RBFOX1: variants seen among roughly 807,000 people sequenced by gnomAD.
RBFOX1 encodes RNA binding protein fox-1 homolog 1.
Under a neutral mutation model 57.7 loss-of-function variants are expected in RBFOX1, and 8 were observed. The ratio of observed to expected loss-of-function variants is 0.14; its 90% confidence interval spans 0.08 to 0.25. The LOEUF (loss-of-function observed/expected upper bound fraction) is 0.25, where lower values mean the gene tolerates loss of function less well. Among genes scored for constraint, RBFOX1 ranks in the 10% least tolerant of loss-of-function variants. The pLI, the probability that RBFOX1 is intolerant of heterozygous loss-of-function variation, is 1.00. For synonymous variants in RBFOX1, 326 were observed against 222.4 expected, an observed-to-expected ratio of 1.47 and a Z score of -4.15; for missense variants, 611 against 548.5, an observed-to-expected ratio of 1.11 and a Z score of -1.14.
chr16:5,310,378 G>T (rs994168929), intron 1 of RBFOX1, among the ~76,000 whole-genome samples: 1 of 151,934 alleles, frequency 6.6e-6, no homozygotes, highest in African/African-American at 2.4e-5. Context: ...TCCACCCTGG[G>T]TGACAGAGCC....
At chr16:7,354,085 C>A (rs563476608) in intron 4 of RBFOX1, among the ~76,000 whole-genome samples, 1 of 152,248 alleles carries the variant, frequency 6.6e-6, no homozygotes, top group Admixed American at 6.5e-5. Flanking sequence ...GATTCTCCTG[C>A]CTCAGCCTCC....
intron 4 of RBFOX1, among the ~76,000 whole-genome samples, chr16:7,473,056 T>C (rs1028378107): frequency 6.6e-6 from 1 of 152,086 alleles, no homozygotes; most frequent in African/African-American, 2.4e-5. Flanking sequence ...TGTCCAAGGG[T>C]TGATACAAAC....
chr16:6,850,703 C>A (rs1021699262), intron 3 of RBFOX1, among the ~76,000 whole-genome samples: 7 of 152,216 alleles, frequency 4.6e-5, no homozygotes, highest in East Asian at 3.9e-4. Context: ...GAAAAAAAAT[C>A]AATTTGTTGG....
intron 1 of RBFOX1, among the ~76,000 whole-genome samples, chr16:5,353,146 G>A (rs1433596519): frequency 6.6e-6 from 1 of 152,080 alleles, no homozygotes; most frequent in Non-Finnish European, 1.5e-5. Context: ...AGCCGAGGTG[G>A]GTGGATCACC....
At chr16:6,895,486 A>ATATATGTATATATATG (rs1231560510) in intron 3 of RBFOX1, among the ~76,000 whole-genome samples, 1 of 92,048 alleles carries the variant, frequency 1.1e-5, no homozygotes, top group African/African-American at 4.2e-5. Context: ...ATATATATAT[A>ATATATGTATATATATG]TTTATTCCCC....
chr16:6,869,534 C>A (rs968623958), intron 3 of RBFOX1, among the ~76,000 whole-genome samples: 1 of 151,512 alleles, frequency 6.6e-6, no homozygotes, highest in Non-Finnish European at 1.5e-5. Context: ...TTTTATGAAT[C>A]CTTTTTGTTC....
chr16:7,122,882 A>G lies in RBFOX1; in HGVS notation c.27+70784A>G, dbSNP rs887923540. 1.6e-4 allele frequency among the ~76,000 whole-genome samples: 25 copies of G among 152,314 alleles called. 1 individual carries two copies. Among genetic ancestry groups the G allele is most frequent in the African/African-American group, 4.8e-4 (20 of 41,582 alleles). On this transcript the variant is annotated intron_variant, in intron 4 of 15. Transcript: ENST00000550418. The stretch of plus-strand genomic sequence containing the variant: ...TACTGAACAATAAAAAGGAGCAACT[A>G]TTGATATATGTGACAACTTGGATCT...
At chr16:7,574,861 T>A (rs1469942702) in intron 5 of RBFOX1, among the ~76,000 whole-genome samples, 4 of 152,170 alleles carry the variant, frequency 2.6e-5, no homozygotes, top group African/African-American at 9.6e-5. Context: ...CTCCTAGACC[T>A]GCTTTGAGGC....
At chr16:6,846,685 T>C (rs1016195696) in intron 3 of RBFOX1, among the ~76,000 whole-genome samples, 10 of 152,322 alleles carry the variant, frequency 6.6e-5, no homozygotes, top group Admixed American at 5.2e-4. Flanking sequence ...ATTTCATGAA[T>C]GGTAACGTTC....
At chr16:6,384,051 T>C (rs1164878548) in intron 2 of RBFOX1, among the ~76,000 whole-genome samples, 1 of 139,454 alleles carries the variant, frequency 7.2e-6, no homozygotes, top group Non-Finnish European at 1.5e-5. Flanking sequence ...TCTCTCTTGA[T>C]TGGTTTTGCT....
chr16:7,410,474 G>C (rs13339230), intron 4 of RBFOX1, among the ~76,000 whole-genome samples: 17,189 of 152,164 alleles, frequency 0.11, 1,170 homozygotes, highest in African/African-American at 0.19. Context: ...ATGAGGTTGG[G>C]AGTTCGAGAC....
At chr16:6,016,207 A>G (rs571645522), upstream of RBFOX1, among the ~76,000 whole-genome samples, 5 of 152,236 alleles carry the variant, frequency 3.3e-5, no homozygotes, top group Non-Finnish European at 5.9e-5. Context: ...ATGACAGGGT[A>G]AAGGTAAATG....
At chr16:7,535,945 G>A (rs979286814) in intron 5 of RBFOX1, among the ~76,000 whole-genome samples, 1 of 152,188 alleles carries the variant, frequency 6.6e-6, no homozygotes, top group Non-Finnish European at 1.5e-5. Context: ...GAGAGGCGCA[G>A]AACTGGGCCT....
intron 1 of RBFOX1, among the ~76,000 whole-genome samples, chr16:5,298,516 C>T (rs2063725981): frequency 6.5e-5 from 2 of 31,006 alleles, no homozygotes; most frequent in East Asian, 1.7e-3. Flanking sequence ...CCTTCCCCTC[C>T]CCTCCCCTCC....
At chr16:6,513,986 C>A (rs553771749) in intron 2 of RBFOX1, among the ~76,000 whole-genome samples, 1 of 152,144 alleles carries the variant, frequency 6.6e-6, no homozygotes, top group Admixed American at 6.5e-5. Context: ...CAACACATGT[C>A]CACTGTGCTT....
intron 4 of RBFOX1, among the ~76,000 whole-genome samples, chr16:7,386,436 A>G (rs56171635): frequency 0.09 from 12,108 of 135,026 alleles, 531 homozygotes; most frequent in East Asian, 0.21. Flanking sequence ...GTGTCCATGT[A>G]TTCTCATTGT....
At chr16:6,480,049 CG>C (rs2095348086) in intron 2 of RBFOX1, among the ~76,000 whole-genome samples, 1 of 79,006 alleles carries the variant, frequency 1.3e-5, no homozygotes, top group Non-Finnish European at 2.1e-5. Flanking sequence ...GACTCCACCT[CG>C]AAAAAAAAAA....
At chr16:6,982,770 A>C (rs887952579) in intron 3 of RBFOX1, among the ~76,000 whole-genome samples, 1 of 152,160 alleles carries the variant, frequency 6.6e-6, no homozygotes, top group Non-Finnish European at 1.5e-5. Flanking sequence ...AGGCAGGTGG[A>C]TCACCTGAGG....
At chr16:6,453,657 G>T (rs148724659) in intron 2 of RBFOX1, among the ~76,000 whole-genome samples, 1,888 of 152,174 alleles carry the variant, frequency 0.012, 40 homozygotes, top group African/African-American at 0.044. Flanking sequence ...AATAGAAAAA[G>T]AGGGACTCCT....
Sources: gnomAD v4.1 joint callset for allele counts (sites outside exome capture counted in the v4.1 genomes callset) on GRCh38, gnomAD v4.1.1 for gene constraint, MANE v1.5 for transcripts, NCBI Gene and HGNC (gene_info 2026-07-23, HGNC 2026-07-21) for gene names.